CSMD1: variants seen among roughly 807,000 people sequenced by gnomAD.
CSMD1 encodes the protein CUB and Sushi multiple domains 1.
Under a neutral mutation model 417.5 loss-of-function variants are expected in CSMD1, and 213 were observed. That is an observed-to-expected ratio of 0.51 (90% CI 0.46 to 0.57). The LOEUF is 0.57. Ranked by LOEUF, CSMD1 falls within the 20% of genes least tolerant of loss-of-function variation. CSMD1 has a pLI of 0.00. For missense variants in CSMD1, 6,923 were observed against 4,529.7 expected (o/e 1.53, Z -15.17); for synonymous variants, 2,862 against 1,736.8 (o/e 1.65, Z -16.11).
chr8:3,168,742 G>C (rs1018445249), intron 37 of CSMD1, among the ~76,000 whole-genome samples: 1 of 152,108 alleles, frequency 6.6e-6, no homozygotes, highest in Non-Finnish European at 1.5e-5. Context: ...GGGAAATTTA[G>C]ATTGTAGAGG....
At chr8:3,598,373 C>T (rs868487022) in intron 8 of CSMD1, 6 of 152,128 alleles carry the variant, frequency 3.9e-5, no homozygotes, top group Non-Finnish European at 8.8e-5. Context: ...CATTTAGATC[C>T]AGCCCTTAAT....
intron 12 of CSMD1, among the ~76,000 whole-genome samples, chr8:3,424,653 T>C (rs1469541740): frequency 1.3e-5 from 2 of 152,172 alleles, no homozygotes; most frequent in Admixed American, 6.5e-5. Context: ...AAGAAAAAAA[T>C]GTGTGTTTCT....
intron 3 of CSMD1, among the ~76,000 whole-genome samples, chr8:4,067,934 G>A (rs6983757): frequency 1.3e-5 from 2 of 151,800 alleles, no homozygotes; most frequent in Non-Finnish European, 2.9e-5. Context: ...AAAATTAACT[G>A]GGCATGGTGG....
chr8:3,347,669 C>T (rs966962780), intron 22 of CSMD1, among the ~76,000 whole-genome samples: 2 of 152,164 alleles, frequency 1.3e-5, no homozygotes, highest in Non-Finnish European at 2.9e-5. Context: ...ATCCTCAAGA[C>T]AGTCCAGAAA....
intron 5 of CSMD1, among the ~76,000 whole-genome samples, chr8:3,908,437 C>T (rs1401563421): frequency 6.6e-6 from 1 of 152,136 alleles, no homozygotes; most frequent in South Asian, 2.1e-4. Flanking sequence ...CAAAACTTTG[C>T]TCGCAGATTT....
intron 10 of CSMD1, among the ~76,000 whole-genome samples, chr8:3,574,366 G>A (rs1197177401): frequency 2.6e-5 from 4 of 152,146 alleles, no homozygotes; most frequent in East Asian, 1.9e-4. Flanking sequence ...TCAGCCTCTC[G>A]AATAGCTGGG....
At chr8:3,307,463 A>T (rs1018946341) in intron 25 of CSMD1, among the ~76,000 whole-genome samples, 6 of 152,188 alleles carry the variant, frequency 3.9e-5, no homozygotes, top group Non-Finnish European at 8.8e-5. Flanking sequence ...TATGCAGCAG[A>T]AGCTAACTGA....
intron 1 of CSMD1, among the ~76,000 whole-genome samples, chr8:4,739,317 C>T (rs953665902): frequency 1.3e-5 from 2 of 152,166 alleles, no homozygotes; most frequent in African/African-American, 4.8e-5. Context: ...CCATAGTTGA[C>T]AGAACTAGAT....
At position 4,427,676 on chromosome 8, in the gene CSMD1, T is replaced by C. The variant is rs2128944611; in HGVS notation, c.303-7611A>G. On this transcript the variant is annotated intron_variant, in intron 2 of 69. Coordinates refer to ENST00000635120, the MANE Select transcript of CSMD1 (RefSeq NM_033225.6). The stretch of plus-strand genomic sequence containing the variant: ...GTTAACTTTTGGCCTCAGAAAATAG[T>C]ACCTATTACATTTATGTATTTTTCT... 2.0e-5 allele frequency among the ~76,000 whole-genome samples: 3 copies of C among 152,304 alleles called. 1 individual carries two copies. In the South Asian group the frequency reaches 6.2e-4, roughly 32 times the overall value.
chr8:3,644,945 C>G (rs775380268), intron 7 of CSMD1, among the ~76,000 whole-genome samples: 1 of 119,440 alleles, frequency 8.4e-6, no homozygotes, highest in Non-Finnish European at 1.6e-5. Flanking sequence ...TCCAGGGTTA[C>G]GGATCACTAA....
intron 7 of CSMD1, among the ~76,000 whole-genome samples, chr8:3,637,651 A>AT (rs1261035178): frequency 3.3e-5 from 5 of 152,196 alleles, no homozygotes; most frequent in African/African-American, 1.2e-4. Context: ...CTATGATTCA[A>AT]TCCCCCCAAC....
intron 10 of CSMD1, among the ~76,000 whole-genome samples, chr8:3,534,972 G>A (rs904278765): frequency 2.6e-5 from 4 of 152,102 alleles, no homozygotes; most frequent in African/African-American, 7.2e-5. Flanking sequence ...TTTATTGACA[G>A]CATCTGGCTT....
chr8:3,012,160 T>C (rs648949), intron 52 of CSMD1, among the ~76,000 whole-genome samples: 24,842 of 152,184 alleles, frequency 0.16, 3,694 homozygotes, highest in African/African-American at 0.4. Context: ...GATGCACCTG[T>C]GCATTACTTT....
In CSMD1 at chr8:3,365,071, G is replaced by C. The variant is rs570284878; in HGVS notation, c.3115+1961C>G. 1.5e-4 allele frequency among the ~76,000 whole-genome samples: 23 copies of C among 152,302 alleles called. No individual in the cohort carries two copies. In the South Asian group the frequency reaches 2.7e-3, roughly 18 times the overall value. ...TCATTTTGGGTCCTGATGAAAGTAA[G>C]AACTGGAGGAAGTGATATTCTCATA... On this transcript the variant is annotated intron_variant, in intron 20 of 69. Transcript: ENST00000635120.
intron 3 of CSMD1, among the ~76,000 whole-genome samples, chr8:4,412,197 G>T (rs1486995468): frequency 6.6e-6 from 1 of 152,262 alleles, no homozygotes; most frequent in African/African-American, 2.4e-5. Flanking sequence ...CAAACCTCAT[G>T]TTAAATTGTA....
intron 3 of CSMD1, among the ~76,000 whole-genome samples, chr8:4,126,213 G>A (rs904840697): frequency 3.9e-5 from 6 of 152,040 alleles, no homozygotes; most frequent in African/African-American, 1.2e-4. Flanking sequence ...CAAATGCTCT[G>A]GGAGACTGAT....
chr8:3,543,245 G>A (rs537908235), intron 10 of CSMD1, among the ~76,000 whole-genome samples: 30 of 152,328 alleles, frequency 2.0e-4, no homozygotes, highest in African/African-American at 7.2e-4. Context: ...AGGATGTGAC[G>A]TAGAGCAGAG....
At chr8:4,161,329 G>T (rs1244957255) in intron 3 of CSMD1, among the ~76,000 whole-genome samples, 2 of 152,262 alleles carry the variant, frequency 1.3e-5, no homozygotes, top group East Asian at 3.9e-4. Flanking sequence ...ACAGAATTAG[G>T]GCTAAAATCC....
At chr8:3,382,439 C>CT in intron 18 of CSMD1, among the ~76,000 whole-genome samples, 1 of 133,774 alleles carries the variant, frequency 7.5e-6, no homozygotes, top group African/African-American at 2.8e-5. Flanking sequence ...TATATAATAA[C>CT]ATATATAATA....
Sources: allele counts gnomAD v4.1 joint callset (sites outside exome capture counted in the v4.1 genomes callset), GRCh38; gene constraint gnomAD v4.1.1; transcripts MANE v1.5; gene names NCBI Gene and HGNC (gene_info 2026-07-23, HGNC 2026-07-21).